Variants in VAX2 observed in about 807,000 individuals in gnomAD.
VAX2 encodes the protein ventral anterior homeobox 2.
Under a neutral mutation model 12.5 loss-of-function variants are expected in VAX2, and 8 were observed. The observed-to-expected ratio is 0.64, with a 90% CI of 0.37 to 1.15. The LOEUF (loss-of-function observed/expected upper bound fraction) is 1.15, where lower values mean the gene tolerates loss of function less well. Ranked by LOEUF, VAX2 falls within the 50% of genes most tolerant of loss-of-function variation. The pLI, the probability that VAX2 is intolerant of heterozygous loss-of-function variation, is 0.01. For synonymous variants in VAX2, 183 were observed against 187.6 expected (o/e 0.98, Z 0.20); for missense variants, 476 against 412.9 (o/e 1.15, Z -1.32).
In VAX2 at chr2:70,900,820, C is replaced by T; in HGVS notation, c.199C>T (p.Gln67Ter). 1 of 1,483,094 alleles carries T rather than the reference C, an allele frequency of 6.7e-7. No homozygotes were observed. The highest frequency in any genetic ancestry group is 2.8e-5 in the East Asian group (1 of 35,614). The allele number at this position is 1,483,094 out of a possible 1,614,324, so 91.9% of individuals were successfully genotyped here. A position where few individuals can be genotyped will look rare whatever the true frequency, so the allele number is the denominator to read the frequency against. ...SRESGADSDGQPGPGEADHCR... is the reference protein window; with the variant it reads ...SRESGADSDG Reference sequence around the variant, plus strand: ...GGAGAGTGGAGCCGACAGCGACGGGCAGCCCGGGCCCGGCGAGGCAGACCA... The same window carrying T: ...GGAGAGTGGAGCCGACAGCGACGGGTAGCCCGGGCCCGGCGAGGCAGACCA... Residue 67 changes from glutamine to a stop codon, truncating the protein, a stop_gained, in exon 1 of 3, where the codon CAG becomes TAG. Coordinates refer to ENST00000234392, the MANE Select transcript of VAX2 (RefSeq NM_012476.3). LOFTEE classifies it high-confidence loss of function.
chr2:70,931,044 G>A (rs782228471), intron 2 of VAX2, among the ~76,000 whole-genome samples: 4 of 152,072 alleles, frequency 2.6e-5, no homozygotes, highest in Non-Finnish European at 5.9e-5. Context: ...TCTCCTTCTA[G>A]TGCCTACAAG....
rs1553414587 is a variant in VAX2 at position 70,933,011 on chromosome 2, C to G, written c.680C>G (p.Pro227Arg). Residue 227 changes from proline to arginine, a missense_variant, in exon 3 of 3, where the codon CCA becomes CGA. Coordinates refer to ENST00000234392, the MANE Select transcript of VAX2 (RefSeq NM_012476.3). ...TTAGGTGACCCCAGGAACTCCTCCC[C>G]ACGCCTCAACCCGCTGTCCTCGGCC... Reference protein sequence around the residue: ...TSLGDPRNSSPRLNPLSSASA... With the variant: ...TSLGDPRNSSRRLNPLSSASA... 6.3e-7 allele frequency: 1 copy of G among 1,599,804 alleles called. No homozygotes were observed. The highest frequency in any genetic ancestry group is 8.5e-7 in the Non-Finnish European group (1 of 1,172,240).
intron 1 of VAX2, among the ~76,000 whole-genome samples, chr2:70,901,706 A>T (rs1553409806): frequency 6.6e-6 from 1 of 152,140 alleles, no homozygotes; most frequent in Non-Finnish European, 1.5e-5. Context: ...AGCCTTTCGC[A>T]ATGCCAAGGG....
At chr2:70,915,232 C>T (rs1215455581) in intron 1 of VAX2, among the ~76,000 whole-genome samples, 1 of 149,020 alleles carries the variant, frequency 6.7e-6, no homozygotes, top group Non-Finnish European at 1.5e-5. Flanking sequence ...TTTACAGCCT[C>T]CAGTTTTTTT....
At chr2:70,900,958 T>C (rs1326557998) in intron 1 of VAX2, 90 bp downstream of exon 1, 104 of 1,145,544 alleles carry the variant, frequency 9.1e-5, no homozygotes, top group Non-Finnish European at 1.1e-4. Context: ...CACCTCTCAA[T>C]TCATATATTC....
At position 70,900,834 on chromosome 2, in the gene VAX2, C is replaced by G. The variant is rs1259563575; in HGVS notation, c.213C>G (p.Gly71=). 2 of 1,460,652 alleles carry G rather than the reference C, an allele frequency of 1.4e-6. No homozygotes were observed. Among genetic ancestry groups the G allele is most frequent in the African/African-American group, 2.9e-5 (2 of 68,470 alleles). 90.5% of individuals were successfully genotyped at this position (1,460,652 alleles called of 1,614,324 possible). A position where few individuals can be genotyped will look rare whatever the true frequency, so the allele number is the denominator to read the frequency against. The change falls in exon 1 of 3, where the codon GGC becomes GGG. Residue 71 remains glycine (G), a synonymous_variant. Transcript: ENST00000234392. ...GADSDGQPGP[G]EADHCRRILV... Reference sequence around the variant, plus strand: ...ACAGCGACGGGCAGCCCGGGCCCGGCGAGGCAGACCACTGCCGCCGCATAC... The same window carrying G: ...ACAGCGACGGGCAGCCCGGGCCCGGGGAGGCAGACCACTGCCGCCGCATAC...
At chr2:70,927,071 C>T (rs781790982) in intron 2 of VAX2, among the ~76,000 whole-genome samples, 6 of 152,150 alleles carry the variant, frequency 3.9e-5, no homozygotes, top group Non-Finnish European at 7.4e-5. Flanking sequence ...TGCCCATGAC[C>T]CACCCTGCTA....
chr2:70,922,467 T>A (rs1679480428), intron 2 of VAX2, among the ~76,000 whole-genome samples: 1 of 152,122 alleles, frequency 6.6e-6, no homozygotes, highest in African/African-American at 2.4e-5. Flanking sequence ...GCATAATTCC[T>A]CCAGCCCCTC....
Position 70,925,347 on chromosome 2 carries a change from G to A in VAX2, c.435+4062G>A, listed in dbSNP as rs139770648. Among the ~76,000 whole-genome samples the A allele has an allele frequency of 6.6e-5, 10 of 152,246 alleles. No individual in the cohort carries two copies. The East Asian group carries it at 7.7e-4, about 12-fold the overall frequency. On this transcript the variant is annotated intron_variant, in intron 2 of 2. Coordinates refer to ENST00000234392, the MANE Select transcript of VAX2 (RefSeq NM_012476.3). ...GGAGAGAAGCGTACTAATGTGAGAGGCACTCTAATTTAGTGCTGGAACATA... is the reference window on the plus strand; with the variant it reads ...GGAGAGAAGCGTACTAATGTGAGAGACACTCTAATTTAGTGCTGGAACATA...
At chr2:70,917,347 C>A (rs1198941780) in intron 1 of VAX2, among the ~76,000 whole-genome samples, 2 of 95,416 alleles carry the variant, frequency 2.1e-5, no homozygotes, top group Non-Finnish European at 4.8e-5. Context: ...ATAAATAAAA[C>A]AAAAACAAAT....
chr2:70,901,860 G>C (rs916765487), intron 1 of VAX2, among the ~76,000 whole-genome samples: 11 of 152,214 alleles, frequency 7.2e-5, no homozygotes, highest in African/African-American at 2.4e-4. Flanking sequence ...GGGACCGGGA[G>C]ACCCAGCGCC....
chr2:70,926,679 G>A (rs1679580435), intron 2 of VAX2, among the ~76,000 whole-genome samples: 1 of 152,168 alleles, frequency 6.6e-6, no homozygotes, highest in African/African-American at 2.4e-5. Flanking sequence ...TGTTCCAGGT[G>A]ATTTAATGCA....
intron 1 of VAX2, among the ~76,000 whole-genome samples, chr2:70,911,662 T>A (rs1351533034): frequency 6.6e-6 from 1 of 152,240 alleles, no homozygotes; most frequent in Non-Finnish European, 1.5e-5. Flanking sequence ...CTCATTGCTG[T>A]TATAACTTTC....
chr2:70,916,948 C>T (rs1263339436), intron 1 of VAX2, among the ~76,000 whole-genome samples: 6 of 151,954 alleles, frequency 3.9e-5, no homozygotes, highest in Admixed American at 6.6e-5. Context: ...GTCAGGAGTT[C>T]GAGACCAGCC....
intron 1 of VAX2, among the ~76,000 whole-genome samples, chr2:70,914,726 G>A (rs532945498): frequency 6.6e-6 from 1 of 151,696 alleles, no homozygotes; most frequent in East Asian, 1.9e-4. Flanking sequence ...TATGTTTATT[G>A]GCCATTTAGC....
At chr2:70,906,742 GACTGATCCTGGCTCAAGCTGCTGGC>G in intron 1 of VAX2, among the ~76,000 whole-genome samples, 1 of 152,170 alleles carries the variant, frequency 6.6e-6, no homozygotes, top group Non-Finnish European at 1.5e-5. Context: ...CTGTGTGCCA[GACTGATCCTGGCTCAAGCTGCTGGC>G]ACGCAGCTTC....
chr2:70,907,378 C>T (rs1679084706), intron 1 of VAX2, among the ~76,000 whole-genome samples: 1 of 152,240 alleles, frequency 6.6e-6, no homozygotes, highest in Non-Finnish European at 1.5e-5. Flanking sequence ...CGGCGGCAGC[C>T]GGGTGTGAGG....
chr2:70,900,721 T>C lies in VAX2; in HGVS notation c.100T>C (p.Leu34=). 1 of 1,407,266 alleles carries C rather than the reference T, an allele frequency of 7.1e-7. No homozygotes were observed. The highest frequency in any genetic ancestry group is 9.3e-7 in the Non-Finnish European group (1 of 1,075,092). The allele number at this position is 1,407,266 out of a possible 1,614,324, so 87.2% of individuals were successfully genotyped here. The part of the protein sequence containing the change: ...RCGDRSGAGD[L]RADGGGHSPT... ...CGGAGACCGCAGCGGAGCGGGGGAC[T>C]TGCGAGCTGATGGCGGTGGCCACAG... is the stretch of plus-strand genomic sequence containing the variant. The change falls in exon 1 of 3, where the codon TTG becomes CTG. Residue 34 remains leucine (L), a synonymous_variant. Coordinates refer to ENST00000234392, the MANE Select transcript of VAX2 (RefSeq NM_012476.3).
chr2:70,930,545 G>A (rs148035995), intron 2 of VAX2, among the ~76,000 whole-genome samples: 1 of 152,326 alleles, frequency 6.6e-6, no homozygotes, highest in East Asian at 1.9e-4. Context: ...GCTTCAAGGA[G>A]GCAGAGATCT....
Sources: gnomAD v4.1 joint callset for allele counts (sites outside exome capture counted in the v4.1 genomes callset) on GRCh38, gnomAD v4.1.1 for gene constraint, MANE v1.5 for transcripts, NCBI Gene and HGNC (gene_info 2026-07-23, HGNC 2026-07-21) for gene names.